The following SCARA3 variants were observed in gnomAD, a reference collection of about 807,000 sequenced individuals.
SCARA3 encodes the protein cellular stress response gene protein.
In SCARA3, 39 loss-of-function variants were observed where a neutral mutation model predicts 47.0. The ratio of observed to expected loss-of-function variants is 0.83; its 90% CI spans 0.64 to 1.08. The LOEUF (loss-of-function observed/expected upper bound fraction) is 1.08, where lower values mean the gene tolerates loss of function less well. SCARA3 is among the 50% of genes least tolerant of loss of function. The pLI is 0.00. For synonymous variants in SCARA3, 356 were observed against 334.1 expected, an observed-to-expected ratio of 1.07 and a Z score of -0.71; for missense variants, 724 against 792.3, an observed-to-expected ratio of 0.91 and a Z score of 1.04.
chr8:27,654,797 A>G (rs941796258), intron 3 of SCARA3, among the ~76,000 whole-genome samples: 7 of 142,934 alleles, frequency 4.9e-5, no homozygotes, highest in African/African-American at 2.5e-5. Flanking sequence ...CACAAAAAAA[A>G]AAAAAGAAAA....
chr8:27,730,319 C>T, the SCARA3 span, among the ~76,000 whole-genome samples: 2 of 152,130 alleles, frequency 1.3e-5, no homozygotes, highest in Non-Finnish European at 2.9e-5. Flanking sequence ...TCCCCTCAGC[C>T]CCATGGTGTG....
rs1315537163 is a variant in SCARA3, at chr8:27,672,669, C to T, written c.*1318C>T. On this transcript the variant is annotated 3_prime_UTR_variant, in exon 6 of 6. Transcript: ENST00000301904. ...GGCCCCCTCTGTCATCACTCCTTGG[C>T]ACCCACCAACTTCCTGCACACACTG... The T allele has an allele frequency of 6.1e-6, 6 of 985,636 alleles. No individual in the cohort carries two copies. The East Asian group carries it at 4.5e-4, about 75-fold the overall frequency. 61.1% of individuals were successfully genotyped at this position (985,636 alleles called of 1,614,324 possible).
At chr8:27,656,747 A>AC in intron 3 of SCARA3, 35 bp from the exon 4 acceptor site, 1 of 1,317,038 alleles carries the variant, frequency 7.6e-7, no homozygotes, top group Non-Finnish European at 1.1e-6. Context: ...CTGAGCTTAG[A>AC]CCCTGCCCCA....
At chr8:27,705,595 A>ATTG in the SCARA3 span, among the ~76,000 whole-genome samples, 5 of 152,162 alleles carry the variant, frequency 3.3e-5, no homozygotes, top group African/African-American at 4.8e-5. Flanking sequence ...TGCACCTGAC[A>ATTG]TGGGGCTCCA....
chr8:27,651,312 G>T (rs1274087255), intron 2 of SCARA3, among the ~76,000 whole-genome samples, 196 bp from the exon 3 acceptor site: 3 of 152,226 alleles, frequency 2.0e-5, no homozygotes, highest in Non-Finnish European at 4.4e-5. Flanking sequence ...TCCTGACTCG[G>T]TCTCCTGCAT....
In SCARA3 at chr8:27,659,266, GC is replaced by G; in HGVS notation, c.1098del (p.Thr367ProfsTer33). ...EIGTIFTNIN[A>X]TDNHVHSMLK... Reference sequence around the variant, plus strand: ...TGGCACCATCTTCACCAACATCAATGCCACCGACAACCACGTGCACAGCATG... The same window carrying G: ...TGGCACCATCTTCACCAACATCAATGCACCGACAACCACGTGCACAGCATG... On this transcript the variant is annotated frameshift_variant, in exon 5 of 6. Transcript: ENST00000301904. LOFTEE classifies it high-confidence loss of function. 6.2e-7 allele frequency: 1 copy of G among 1,614,138 alleles called. No individual in the cohort carries two copies. Among genetic ancestry groups the G allele is most frequent in the African/African-American group, 1.3e-5 (1 of 75,022 alleles).
intron 3 of SCARA3, among the ~76,000 whole-genome samples, chr8:27,655,615 C>A (rs1801726628): frequency 6.6e-6 from 1 of 152,122 alleles, no homozygotes; most frequent in South Asian, 2.1e-4. Flanking sequence ...CTATTTTAAG[C>A]AATTTATCCC....
the SCARA3 span, among the ~76,000 whole-genome samples, chr8:27,687,244 G>C: frequency 1.9e-3 from 288 of 152,296 alleles, no homozygotes; most frequent in African/African-American, 6.3e-3. Context: ...TGAAAGCCTG[G>C]AGTTGTTGTG....
chr8:27,643,489 G>C (rs916214941), intron 1 of SCARA3, among the ~76,000 whole-genome samples: 1 of 152,216 alleles, frequency 6.6e-6, no homozygotes, highest in African/African-American at 2.4e-5. Flanking sequence ...CCTGTGTCTT[G>C]AGACCTGAGC....
the SCARA3 span, among the ~76,000 whole-genome samples, chr8:27,698,763 A>G: frequency 1.3e-5 from 2 of 152,224 alleles, no homozygotes; most frequent in Admixed American, 1.3e-4. Flanking sequence ...TAGCAACAGC[A>G]TAAAAATATA....
At chr8:27,693,124 CA>C in the SCARA3 span, among the ~76,000 whole-genome samples, 55,721 of 98,660 alleles carry the variant, frequency 0.56, 11,753 homozygotes, top group Non-Finnish European at 0.64. Flanking sequence ...GACTCTGTCT[CA>C]AAAAAAAAAA....
chr8:27,712,217 C>G, the SCARA3 span, among the ~76,000 whole-genome samples: 17 of 152,250 alleles, frequency 1.1e-4, no homozygotes, highest in African/African-American at 3.9e-4. Flanking sequence ...TGGAATCATA[C>G]AGTATGTATG....
chr8:27,715,840 A>AGATAGAT, the SCARA3 span, among the ~76,000 whole-genome samples: 2 of 110,092 alleles, frequency 1.8e-5, no homozygotes, highest in African/African-American at 3.6e-5. The surrounding 1 kb of genome is among the most constrained non-coding windows in gnomAD (Gnocchi z 4.2). Context: ...ATAGATAGAT[A>AGATAGAT]GATAGATAGA....
At chr8:27,665,489 A>G (rs1317618674) in intron 5 of SCARA3, among the ~76,000 whole-genome samples, 1 of 152,202 alleles carries the variant, frequency 6.6e-6, no homozygotes, top group East Asian at 1.9e-4. Context: ...GACTAAAACC[A>G]TCATAACGTA....
chr8:27,724,839 G>A, the SCARA3 span, among the ~76,000 whole-genome samples: 2 of 152,156 alleles, frequency 1.3e-5, no homozygotes, highest in African/African-American at 4.8e-5. Flanking sequence ...TTTGTAAAAG[G>A]AATTATGTTC....
At chr8:27,724,895 C>A in the SCARA3 span, among the ~76,000 whole-genome samples, 2 of 152,168 alleles carry the variant, frequency 1.3e-5, no homozygotes, top group Admixed American at 1.3e-4. Context: ...CAGATTCCAA[C>A]TAGATGTCTT....
At chr8:27,634,251 C>CA in intron 1 of SCARA3, 44 bp downstream of exon 1, 2 of 1,324,374 alleles carry the variant, frequency 1.5e-6, no homozygotes, top group Non-Finnish European at 9.6e-7. Flanking sequence ...GGGCCGCCTG[C>CA]ACCCCCGCTC....
At chr8:27,679,751 C>T (rs1802330661), downstream of SCARA3, 1 of 152,162 alleles carries the variant, frequency 6.6e-6, no homozygotes, top group African/African-American at 2.4e-5. Flanking sequence ...TTGAAAAAGA[C>T]TTAAATTACA....
At chr8:27,700,871 G>A in the SCARA3 span, among the ~76,000 whole-genome samples, 1 of 152,134 alleles carries the variant, frequency 6.6e-6, no homozygotes, top group Non-Finnish European at 1.5e-5. Flanking sequence ...GGAAAAGTTA[G>A]GTGATTTCCT....
Sources: allele counts gnomAD v4.1 joint callset (sites outside exome capture counted in the v4.1 genomes callset), GRCh38; gene constraint gnomAD v4.1.1; non-coding constraint Gnocchi (gnomAD v3.1); transcripts MANE v1.5; gene names NCBI Gene and HGNC (gene_info 2026-07-23, HGNC 2026-07-21).